The following TAS2R1 variants were observed in gnomAD, a reference collection of about 807,000 sequenced individuals.
TAS2R1 encodes taste 2 receptor member 1.
For synonymous variants in TAS2R1, 141 were observed against 134.2 expected (o/e 1.05, Z -0.35); for missense variants, 370 against 353.4 (o/e 1.05, Z -0.38).
At chr5:9,798,987 T>C in the TAS2R1 span, among the ~76,000 whole-genome samples, 4 of 152,060 alleles carry the variant, frequency 2.6e-5, no homozygotes, top group African/African-American at 9.7e-5. Flanking sequence ...GAGGTTCCTC[T>C]CCCCTTTCTA....
chr5:9,846,258 C>T, the TAS2R1 span, among the ~76,000 whole-genome samples: 1 of 152,134 alleles, frequency 6.6e-6, no homozygotes, highest in Non-Finnish European at 1.5e-5. Context: ...CTTTAAGCAC[C>T]ACTGACTAAT....
chr5:9,789,528 C>A, the TAS2R1 span, among the ~76,000 whole-genome samples: 1 of 152,086 alleles, frequency 6.6e-6, no homozygotes, highest in African/African-American at 2.4e-5. Flanking sequence ...AAGACATCAC[C>A]AATTGTAAGG....
At chr5:9,676,366 A>C (rs1740874912) in intron 1 of TAS2R1, among the ~76,000 whole-genome samples, 1 of 152,216 alleles carries the variant, frequency 6.6e-6, no homozygotes, top group African/African-American at 2.4e-5. Context: ...CTTACTAAAA[A>C]ACTGCAGCAA....
intron 2 of TAS2R1, among the ~76,000 whole-genome samples, chr5:9,640,870 T>A (rs558315287): frequency 6.6e-6 from 1 of 152,244 alleles, no homozygotes; most frequent in East Asian, 1.9e-4. Context: ...AAATAAATAT[T>A]AGCAAGCCAC....
the TAS2R1 span, among the ~76,000 whole-genome samples, chr5:9,864,288 T>C: frequency 4.6e-5 from 7 of 152,156 alleles, no homozygotes; most frequent in African/African-American, 9.7e-5. Flanking sequence ...TCCCACCCGA[T>C]AGGAAGAGGT....
chr5:9,636,224 T>C (rs990615530), intron 2 of TAS2R1, among the ~76,000 whole-genome samples: 2 of 152,126 alleles, frequency 1.3e-5, no homozygotes, highest in African/African-American at 4.8e-5. Context: ...AGATTATTTA[T>C]TTCCATGTAT....
At chr5:9,785,151 TC>T in the TAS2R1 span, among the ~76,000 whole-genome samples, 50 of 152,294 alleles carry the variant, frequency 3.3e-4, no homozygotes, top group Middle Eastern at 3.4e-3. Flanking sequence ...CTCTCTCATC[TC>T]CCCACAGCCA....
chr5:9,838,666 A>G, the TAS2R1 span, among the ~76,000 whole-genome samples: 1 of 152,364 alleles, frequency 6.6e-6, no homozygotes, highest in East Asian at 1.9e-4. Flanking sequence ...AATGCTGGAC[A>G]GTACTTCTGC....
the TAS2R1 span, among the ~76,000 whole-genome samples, chr5:9,862,427 G>A: frequency 6.6e-6 from 1 of 152,090 alleles, no homozygotes; most frequent in South Asian, 2.1e-4. Flanking sequence ...CGTGGAGGAA[G>A]GGAAGCAACT....
chr5:9,898,242 T>C, the TAS2R1 span, among the ~76,000 whole-genome samples: 1 of 152,166 alleles, frequency 6.6e-6, no homozygotes, highest in Non-Finnish European at 1.5e-5. Flanking sequence ...GGGGAAAATG[T>C]GACAGTAAAT....
chr5:9,693,234 C>T (rs967968736), intron 1 of TAS2R1, among the ~76,000 whole-genome samples: 2 of 151,626 alleles, frequency 1.3e-5, no homozygotes, highest in African/African-American at 2.4e-5. Context: ...CTTGGCCAGG[C>T]GCGGTGTCTC....
chr5:9,777,573 C>T, the TAS2R1 span, among the ~76,000 whole-genome samples: 1 of 152,204 alleles, frequency 6.6e-6, no homozygotes, highest in Admixed American at 6.5e-5. Flanking sequence ...TTGGAATCAA[C>T]TTCAAAACTC....
the TAS2R1 span, among the ~76,000 whole-genome samples, chr5:9,752,239 T>C: frequency 2.0e-5 from 3 of 152,210 alleles, no homozygotes; most frequent in Non-Finnish European, 4.4e-5. Context: ...AGGTTGAATG[T>C]GCAGATTCTT....
chr5:9,705,802 C>T (rs1174429567), intron 1 of TAS2R1, among the ~76,000 whole-genome samples: 1 of 152,128 alleles, frequency 6.6e-6, no homozygotes, highest in Non-Finnish European at 1.5e-5. Context: ...GTAGAGGTTG[C>T]AGTGAGCCAA....
the TAS2R1 span, among the ~76,000 whole-genome samples, chr5:9,830,970 T>A: frequency 4.3e-4 from 65 of 152,292 alleles, no homozygotes; most frequent in African/African-American, 1.5e-3. Context: ...TATGAATTTT[T>A]AAAAAATCAT....
At chr5:9,755,541 C>T in the TAS2R1 span, among the ~76,000 whole-genome samples, 2 of 142,496 alleles carry the variant, frequency 1.4e-5, no homozygotes, top group Non-Finnish European at 3.0e-5. Context: ...GAGCCAAGAT[C>T]GTGCCATGGC....
the TAS2R1 span, among the ~76,000 whole-genome samples, chr5:9,843,470 G>A: frequency 4.6e-5 from 7 of 152,128 alleles, no homozygotes; most frequent in African/African-American, 1.4e-4. Flanking sequence ...CTTCAGCCAC[G>A]ATTTTCACTT....
chr5:9,844,010 C>T, the TAS2R1 span, among the ~76,000 whole-genome samples: 3 of 152,296 alleles, frequency 2.0e-5, no homozygotes, highest in Admixed American at 2.0e-4. Context: ...CTTCATCAAG[C>T]TAGCAAGGAT....
the TAS2R1 span, among the ~76,000 whole-genome samples, chr5:9,789,856 C>T: frequency 6.6e-6 from 1 of 152,214 alleles, no homozygotes; most frequent in African/African-American, 2.4e-5. Context: ...AAGTATATTG[C>T]AACAAGTATA....
Sources: gnomAD v4.1 joint callset for allele counts (sites outside exome capture counted in the v4.1 genomes callset) on GRCh38, gnomAD v4.1.1 for gene constraint, MANE v1.5 for transcripts, NCBI Gene and HGNC (gene_info 2026-07-23, HGNC 2026-07-21) for gene names.